The following ZNF654 variants were observed in gnomAD, a reference collection of about 807,000 sequenced individuals.
The protein encoded by ZNF654 is zinc finger protein 654.
In ZNF654, 19 loss-of-function variants were observed where a neutral mutation model predicts 95.3. The observed-to-expected ratio is 0.20, with a 90% CI of 0.14 to 0.29. The LOEUF is 0.29. Among genes scored for constraint, ZNF654 ranks in the 10% least tolerant of loss-of-function variants. The pLI, the probability that ZNF654 is intolerant of heterozygous loss-of-function variation, is 1.00. For missense variants in ZNF654, 1,046 were observed against 1,341.0 expected (o/e 0.78, Z 3.44); for synonymous variants, 413 against 457.9 (o/e 0.90, Z 1.25).
rs200735088 is a variant in ZNF654 at position 88,135,042 on chromosome 3, CT to C, written c.894-12del. The stretch of plus-strand genomic sequence containing the variant: ...AATAAACTGTATTTTTGATAATTCT[CT>C]TTTTTTCTCATTTACAGGGAGTTGA... On this transcript the variant is annotated intron_variant, in intron 6 of 8. Transcript: ENST00000636215. 5 of 1,363,638 alleles carry C rather than the reference CT, an allele frequency of 3.7e-6. No homozygotes were observed. The highest frequency in any genetic ancestry group is 7.1e-5 in the Admixed American group (2 of 28,154). The allele number at this position is 1,363,638 out of a possible 1,614,324, so 84.5% of individuals were successfully genotyped here.
chr3:88,076,158 TGTATA>T (rs1707791493), intron 1 of ZNF654, among the ~76,000 whole-genome samples: 1 of 152,230 alleles, frequency 6.6e-6, no homozygotes, highest in South Asian at 2.1e-4. Flanking sequence ...TTATATTACT[TGTATA>T]GTAGTCTCAG....
At chr3:88,074,344 C>T (rs1253405941) in intron 1 of ZNF654, among the ~76,000 whole-genome samples, 2 of 137,626 alleles carry the variant, frequency 1.5e-5, no homozygotes, top group Non-Finnish European at 3.1e-5. Context: ...TTATATCTTA[C>T]TTTTTTTTTT....
At position 88,140,489 on chromosome 3, in the gene ZNF654, G is replaced by T; in HGVS notation, c.2820G>T (p.Gln940His). The change falls in exon 8 of 9, where the codon CAG becomes CAT. Residue 940 changes from glutamine to histidine, a missense_variant. Gln to His is a conservative substitution (Grantham distance 24). Coordinates refer to ENST00000636215, the MANE Select transcript of ZNF654 (RefSeq NM_001350134.2). Reference sequence around the variant, plus strand: ...AAAAGAAAACAGACAGTTTAGTTCAGAATGGAAACGAACGTTCTGATGACA... The same window carrying T: ...AAAAGAAAACAGACAGTTTAGTTCATAATGGAAACGAACGTTCTGATGACA... ...SMEKKTDSLV[Q>H]NGNERSDDTV... 1 of 1,613,690 alleles carries T rather than the reference G, an allele frequency of 6.2e-7. No homozygotes were observed. The highest frequency in any genetic ancestry group is 8.5e-7 in the Non-Finnish European group (1 of 1,179,740).
At chr3:88,062,390 T>G (rs1467036253) in intron 1 of ZNF654, among the ~76,000 whole-genome samples, 1 of 152,168 alleles carries the variant, frequency 6.6e-6, no homozygotes, top group Non-Finnish European at 1.5e-5. Context: ...AGTTTTTTGT[T>G]GTTGTTGCAA....
intron 2 of ZNF654, among the ~76,000 whole-genome samples, chr3:88,098,420 C>G (rs1704193532): frequency 6.6e-6 from 1 of 152,188 alleles, no homozygotes; most frequent in Non-Finnish European, 1.5e-5. Flanking sequence ...GAGCTGGTAT[C>G]ATTCGTTCTC....
chr3:88,074,944 A>G (rs1266177086), intron 1 of ZNF654, among the ~76,000 whole-genome samples: 1 of 152,096 alleles, frequency 6.6e-6, no homozygotes, highest in Non-Finnish European at 1.5e-5. Context: ...AAACTCATCA[A>G]GTGTTTAATT....
intron 2 of ZNF654, chr3:88,095,979 T>C (rs534315134): frequency 1.1e-3 from 288 of 264,164 alleles, no homozygotes; most frequent in African/African-American, 5.9e-3. Context: ...CGTGTTGCAC[T>C]GTTCTACCTG....
chr3:88,097,576 T>TTA (rs1704136847), intron 2 of ZNF654, among the ~76,000 whole-genome samples: 1 of 152,094 alleles, frequency 6.6e-6, no homozygotes, highest in South Asian at 2.1e-4. Context: ...GACCACATAA[T>TTA]TGGAAGTAAA....
In ZNF654 at chr3:88,139,370, G is replaced by GA. The variant is rs1706982426; in HGVS notation, c.1707dup (p.Gly570ArgfsTer10). The stretch of plus-strand genomic sequence containing the variant: ...TTGTAAGGCATGCCCAGGCTCATCA[G>GA]AAAAAAGGCAGTTTTGCATGTGTAA... On this transcript the variant is annotated frameshift_variant, in exon 8 of 9. Coordinates refer to ENST00000636215, the MANE Select transcript of ZNF654 (RefSeq NM_001350134.2). LOFTEE classifies it high-confidence loss of function. 1 of 1,613,302 alleles carries GA rather than the reference G, an allele frequency of 6.2e-7. No individual in the cohort carries two copies. Among genetic ancestry groups the GA allele is most frequent in the South Asian group, 1.1e-5 (1 of 90,970 alleles).
At chr3:88,080,690 C>T (rs1426327233) in intron 1 of ZNF654, among the ~76,000 whole-genome samples, 1 of 151,914 alleles carries the variant, frequency 6.6e-6, no homozygotes, top group Non-Finnish European at 1.5e-5. Flanking sequence ...CAGGCAAGGG[C>T]AAATCTTGAG....
chr3:88,070,004 T>A (rs1406869560), intron 1 of ZNF654, among the ~76,000 whole-genome samples: 1 of 152,180 alleles, frequency 6.6e-6, no homozygotes, highest in African/African-American at 2.4e-5. Flanking sequence ...ATTTGACAAA[T>A]CTCTCAAATT....
At chr3:88,105,019 A>G (rs1704649088) in intron 2 of ZNF654, among the ~76,000 whole-genome samples, 1 of 152,208 alleles carries the variant, frequency 6.6e-6, no homozygotes, top group South Asian at 2.1e-4. Flanking sequence ...GCGCGCCTGT[A>G]ATCCCAGCTA....
rs1706332027 is a variant in ZNF654 at position 88,129,667 on chromosome 3, TTTCTC to T, written c.754-17_754-13del. Reference sequence around the variant, plus strand: ...AGATATTTTTAATTATATGAACTGATTTCTCTTTTCCTCTTACAGCATTTATTGAA... The same window carrying T: ...AGATATTTTTAATTATATGAACTGATTTTTCCTCTTACAGCATTTATTGAA... On this transcript the variant is annotated splice_polypyrimidine_tract_variant and intron_variant, in intron 5 of 8. Transcript: ENST00000636215. 7.2e-7 allele frequency: 1 copy of T among 1,383,186 alleles called. No individual in the cohort carries two copies. The highest frequency in any genetic ancestry group is 1.4e-5 in the African/African-American group (1 of 69,434). 85.7% of individuals were successfully genotyped at this position (1,383,186 alleles called of 1,614,324 possible).
intron 2 of ZNF654, among the ~76,000 whole-genome samples, chr3:88,098,116 C>CA (rs1413232456): frequency 2.0e-5 from 3 of 151,996 alleles, no homozygotes; most frequent in African/African-American, 7.2e-5. Flanking sequence ...AGAGAAGAAT[C>CA]AAATAGATGC....
chr3:88,072,579 G>T (rs573748397), intron 1 of ZNF654, among the ~76,000 whole-genome samples: 1 of 152,248 alleles, frequency 6.6e-6, no homozygotes, highest in Admixed American at 6.5e-5. Context: ...TTTGCTGTGG[G>T]ATCCTCCACA....
intron 2 of ZNF654, among the ~76,000 whole-genome samples, chr3:88,102,407 T>TA (rs1305691921): frequency 6.6e-6 from 1 of 152,192 alleles, no homozygotes; most frequent in Non-Finnish European, 1.5e-5. Context: ...ATTTTCCCAT[T>TA]ATACTGTTAT....
intron 2 of ZNF654, among the ~76,000 whole-genome samples, chr3:88,108,630 G>A (rs1374577944): frequency 1.3e-5 from 2 of 152,094 alleles, no homozygotes; most frequent in Non-Finnish European, 2.9e-5. Context: ...CACTGTATAC[G>A]CTACCTGCCC....
chr3:88,086,969 A>G (rs1321444152), intron 2 of ZNF654, among the ~76,000 whole-genome samples: 1 of 152,130 alleles, frequency 6.6e-6, no homozygotes, highest in Non-Finnish European at 1.5e-5. Flanking sequence ...TTTTTAGTAG[A>G]GATGGGGTTT....
At chr3:88,077,140 A>T (rs1707846955) in intron 1 of ZNF654, among the ~76,000 whole-genome samples, 1 of 152,190 alleles carries the variant, frequency 6.6e-6, no homozygotes, top group South Asian at 2.1e-4. Flanking sequence ...CAAACTTACC[A>T]TGTCCAGAAT....
Sources: allele counts gnomAD v4.1 joint callset (sites outside exome capture counted in the v4.1 genomes callset), GRCh38; gene constraint gnomAD v4.1.1; transcripts MANE v1.5; gene names NCBI Gene and HGNC (gene_info 2026-07-23, HGNC 2026-07-21).